Variants in FUT8 observed in about 807,000 individuals in gnomAD.
FUT8 encodes the protein fucosyltransferase 8.
FUT8 carries 29 observed loss-of-function variants against 71.3 expected under a neutral mutation model. The ratio of observed to expected loss-of-function variants is 0.41; its 90% CI spans 0.30 to 0.55. The LOEUF is 0.55. Among genes scored for constraint, FUT8 ranks in the 20% least tolerant of loss-of-function variants. The pLI is 0.34. For missense variants in FUT8, 544 were observed against 702.1 expected, an observed-to-expected ratio of 0.77 and a Z score of 2.55; for synonymous variants, 254 against 239.3, an observed-to-expected ratio of 1.06 and a Z score of -0.57.
intron 7 of FUT8, among the ~76,000 whole-genome samples, chr14:65,685,650 T>C (rs1399740878): frequency 1.3e-5 from 2 of 152,202 alleles, no homozygotes; most frequent in African/African-American, 2.4e-5. Flanking sequence ...TTATTTCTTG[T>C]TACATGCTAA....
chr14:65,538,058 AG>A (rs1884446214), intron 2 of FUT8, among the ~76,000 whole-genome samples: 1 of 152,172 alleles, frequency 6.6e-6, no homozygotes, highest in Non-Finnish European at 1.5e-5. Context: ...CAGTGAGTTC[AG>A]GTCTGACTCT....
intron 8 of FUT8, 24 bp from the exon 9 acceptor site, chr14:65,724,123 G>A (rs1020374239): frequency 1.3e-6 from 2 of 1,542,214 alleles, no homozygotes; most frequent in Admixed American, 2.0e-5. Flanking sequence ...TACATTACCA[G>A]TAGAATCTGA....
intron 7 of FUT8, among the ~76,000 whole-genome samples, chr14:65,712,877 A>G (rs912356969): frequency 2.0e-5 from 3 of 152,230 alleles, no homozygotes; most frequent in Non-Finnish European, 4.4e-5. Flanking sequence ...TGGGGTATCC[A>G]TCACCTCAAG....
chr14:65,523,550 T>C (rs536429229), intron 2 of FUT8, among the ~76,000 whole-genome samples: 9 of 152,346 alleles, frequency 5.9e-5, no homozygotes, highest in Non-Finnish European at 1.3e-4. Context: ...TGGTAGTTTC[T>C]TTTGCTGTGC....
chr14:65,476,637 ATTTTTTTTTTTTTTTTTTTTT>A (rs200882761), intron 2 of FUT8, among the ~76,000 whole-genome samples: 94,441 of 129,936 alleles, frequency 0.73, 31,743 homozygotes, highest in East Asian at 0.81. Flanking sequence ...AAAGAAGTAG[ATTTTTTTTTTTTTTTTTTTTT>A]TTTTTTTTTT....
intron 2 of FUT8, among the ~76,000 whole-genome samples, chr14:65,490,063 T>C (rs1469643401): frequency 1.3e-5 from 2 of 152,076 alleles, no homozygotes; most frequent in Non-Finnish European, 2.9e-5. Context: ...AACCTACTTT[T>C]GGTTATTATT....
intron 6 of FUT8, among the ~76,000 whole-genome samples, chr14:65,650,751 A>C (rs1891365444): frequency 6.6e-6 from 1 of 151,016 alleles, no homozygotes; most frequent in East Asian, 1.9e-4. Flanking sequence ...ACAAACTTGT[A>C]ATTTCCTATT....
chr14:65,471,623 T>C (rs2066148271), intron 2 of FUT8, among the ~76,000 whole-genome samples: 1 of 152,154 alleles, frequency 6.6e-6, no homozygotes, highest in Non-Finnish European at 1.5e-5. Flanking sequence ...TTCCTGGACT[T>C]CTGCTTCCTG....
In FUT8 at chr14:65,660,390, T is replaced by G. The variant is rs1891901944; in HGVS notation, c.598-8853T>G. Among the ~76,000 whole-genome samples the G allele has an allele frequency of 6.6e-6, 1 of 152,194 alleles. No homozygotes were observed. The highest frequency in any genetic ancestry group is 2.4e-5 in the African/African-American group (1 of 41,454). ...GTAAAGAGCAAAAGTTTTTAAAATGTATTATTTAAAGTAAGCTAAATGTGG... is the reference window on the plus strand; with the variant it reads ...GTAAAGAGCAAAAGTTTTTAAAATGGATTATTTAAAGTAAGCTAAATGTGG... On this transcript the variant is annotated intron_variant, in intron 6 of 10. Transcript: ENST00000673929. This position sits in a 1 kb window ranked among gnomAD's most constrained non-coding sequence, Gnocchi z 4.1.
chr14:65,400,784 C>T, the FUT8 span, among the ~76,000 whole-genome samples: 12 of 152,160 alleles, frequency 7.9e-5, no homozygotes, highest in Non-Finnish European at 1.5e-4. Context: ...ACTTGGAAGG[C>T]TCAGGTGAGA....
intron 6 of FUT8, among the ~76,000 whole-genome samples, chr14:65,632,690 C>T (rs150395147): frequency 6.6e-6 from 1 of 152,074 alleles, no homozygotes; most frequent in Non-Finnish European, 1.5e-5. Flanking sequence ...GCTGACTGTT[C>T]CTTTTGCTGT....
chr14:65,361,839 T>C, the FUT8 span, among the ~76,000 whole-genome samples: 12 of 151,894 alleles, frequency 7.9e-5, no homozygotes, highest in Non-Finnish European at 1.5e-4. Context: ...AATAAATAAA[T>C]TATAACTCCC....
Position 65,467,554 on chromosome 14 carries a change from GCAACCTCCACCTCC to G in FUT8, c.-228+11837_-228+11850del, listed in dbSNP as rs2066063410. Among the ~76,000 whole-genome samples the G allele has an allele frequency of 6.6e-6, 1 of 152,116 alleles. No homozygotes were observed. The highest frequency in any genetic ancestry group is 2.4e-5 in the African/African-American group (1 of 41,410). ...TGCAGTGGTGTGATCTTGGCTCACTGCAACCTCCACCTCCTGGGTTCAAGCGATCCTCCTGCCTC... is the reference window on the plus strand; with the variant it reads ...TGCAGTGGTGTGATCTTGGCTCACTGTGGGTTCAAGCGATCCTCCTGCCTC... On this transcript the variant is annotated intron_variant, in intron 2 of 10. Coordinates refer to ENST00000673929, the MANE Select transcript of FUT8 (RefSeq NM_001371533.1). The surrounding 1 kb of genome is among the most constrained non-coding windows in gnomAD (Gnocchi z 4.1).
At chr14:65,507,958 A>G (rs1217868388) in intron 2 of FUT8, among the ~76,000 whole-genome samples, 1 of 152,160 alleles carries the variant, frequency 6.6e-6, no homozygotes, top group African/African-American at 2.4e-5. Context: ...CATCTTTGCC[A>G]GCATTGATTA....
the FUT8 span, among the ~76,000 whole-genome samples, chr14:65,390,053 A>C: frequency 6.6e-6 from 1 of 151,392 alleles, no homozygotes; most frequent in African/African-American, 2.4e-5. Context: ...AGGTGGGAGG[A>C]TCGCTTGAGC....
chr14:65,544,466 T>C (rs7147636), intron 2 of FUT8, among the ~76,000 whole-genome samples: 96,250 of 151,904 alleles, frequency 0.63, 30,715 homozygotes, highest in East Asian at 0.71. Flanking sequence ...CACACACAAT[T>C]GGAGAAAATG....
At chr14:65,447,942 C>G (rs969291035) in intron 1 of FUT8, among the ~76,000 whole-genome samples, 2 of 152,188 alleles carry the variant, frequency 1.3e-5, no homozygotes, top group Non-Finnish European at 2.9e-5. Context: ...CGATAACCAG[C>G]TCCTGGGCTC....
At chr14:65,617,138 T>C (rs1483318315) in intron 5 of FUT8, 1 of 1,595,358 alleles carries the variant, frequency 6.3e-7, no homozygotes, top group African/African-American at 1.4e-5. Flanking sequence ...AAAGAAAAAT[T>C]GTTGTATTAG....
At chr14:65,710,332 G>C (rs60919640) in intron 7 of FUT8, among the ~76,000 whole-genome samples, 35,608 of 151,978 alleles carry the variant, frequency 0.23, 5,204 homozygotes, top group East Asian at 0.48. Flanking sequence ...AAGATTATTT[G>C]TGAGATTTCT....
Sources: gnomAD v4.1 joint callset for allele counts (sites outside exome capture counted in the v4.1 genomes callset) on GRCh38, gnomAD v4.1.1 for gene constraint, Gnocchi (gnomAD v3.1) non-coding constraint, MANE v1.5 for transcripts, NCBI Gene and HGNC (gene_info 2026-07-23, HGNC 2026-07-21) for gene names.